The following PACRG variants were observed in gnomAD, a reference collection of about 807,000 sequenced individuals.
PACRG encodes parkin coregulated gene protein.
A neutral mutation model predicts 29.7 loss-of-function variants in PACRG; 29 were observed. The observed-to-expected ratio is 0.98, with a 90% confidence interval of 0.73 to 1.33. The LOEUF is 1.33. Among genes scored for constraint, PACRG ranks in the 40% most tolerant of loss-of-function variants. PACRG has a pLI of 0.00. For missense variants in PACRG, 279 were observed against 316.2 expected, an observed-to-expected ratio of 0.88 and a Z score of 0.89; for synonymous variants, 116 against 118.7, an observed-to-expected ratio of 0.98 and a Z score of 0.15.
chr6:162,996,522 A>T (rs1303110062), intron 2 of PACRG, among the ~76,000 whole-genome samples: 1 of 152,178 alleles, frequency 6.6e-6, no homozygotes, highest in Non-Finnish European at 1.5e-5. Flanking sequence ...AACTGAGAAA[A>T]ATGAAACATT....
chr6:163,263,439 G>A (rs549782068), intron 4 of PACRG, among the ~76,000 whole-genome samples: 7 of 152,148 alleles, frequency 4.6e-5, no homozygotes, highest in Non-Finnish European at 8.8e-5. Flanking sequence ...CACGCTGTGC[G>A]CCAAGGACCA....
intron 4 of PACRG, among the ~76,000 whole-genome samples, chr6:163,164,835 A>C (rs1388349134): frequency 2.6e-5 from 4 of 152,180 alleles, no homozygotes; most frequent in Admixed American, 1.3e-4. Context: ...AAGTACCTGA[A>C]CCATTCTGAG....
intron 4 of PACRG, among the ~76,000 whole-genome samples, chr6:163,255,310 G>A (rs150139677): frequency 6.6e-6 from 1 of 152,300 alleles, no homozygotes; most frequent in Non-Finnish European, 1.5e-5. Flanking sequence ...GGCCAGGCTT[G>A]GTGTCAAAGG....
At chr6:163,168,189 G>A (rs574135721) in intron 4 of PACRG, among the ~76,000 whole-genome samples, 1 of 152,278 alleles carries the variant, frequency 6.6e-6, no homozygotes, top group South Asian at 2.1e-4. Context: ...ATTTATTAAA[G>A]CATTTGGCCG....
At chr6:162,775,836 G>A (rs1488485643) in intron 1 of PACRG, among the ~76,000 whole-genome samples, 3 of 152,058 alleles carry the variant, frequency 2.0e-5, no homozygotes, top group Admixed American at 2.0e-4. Context: ...AAATCACCTT[G>A]TCCACCCATT....
intron 1 of PACRG, among the ~76,000 whole-genome samples, chr6:162,734,139 A>G (rs1300901448): frequency 1.3e-5 from 2 of 152,222 alleles, no homozygotes; most frequent in Non-Finnish European, 2.9e-5. Flanking sequence ...TCCAAAGAAA[A>G]TGCCAATGAT....
At chr6:162,947,031 G>T (rs1160071612) in intron 2 of PACRG, among the ~76,000 whole-genome samples, 1 of 151,568 alleles carries the variant, frequency 6.6e-6, no homozygotes, top group Non-Finnish European at 1.5e-5. Flanking sequence ...TACTAAATGG[G>T]CAAAAGCTGG....
chr6:162,875,171 ACATT>A (rs1041736289), intron 2 of PACRG, among the ~76,000 whole-genome samples: 4 of 150,928 alleles, frequency 2.7e-5, no homozygotes, highest in Non-Finnish European at 4.5e-5. Flanking sequence ...GCACACACAG[ACATT>A]CATACACATT....
chr6:163,299,983 C>A (rs1402044564), intron 4 of PACRG, among the ~76,000 whole-genome samples: 1 of 152,178 alleles, frequency 6.6e-6, no homozygotes, highest in Non-Finnish European at 1.5e-5. Flanking sequence ...ACGTAGGGGG[C>A]ACAGAGCTCC....
At chr6:163,035,288 A>T (rs1045904254) in intron 2 of PACRG, among the ~76,000 whole-genome samples, 1 of 152,102 alleles carries the variant, frequency 6.6e-6, no homozygotes, top group African/African-American at 2.4e-5. Context: ...TGTGGCAGGT[A>T]GATCACCTAA....
chr6:163,206,226 A>G (rs908076905), intron 4 of PACRG, among the ~76,000 whole-genome samples: 3 of 152,208 alleles, frequency 2.0e-5, no homozygotes, highest in Non-Finnish European at 4.4e-5. Flanking sequence ...TACCTGAAGT[A>G]ATATAAATCA....
chr6:162,877,285 G>A (rs1371218101), intron 2 of PACRG, among the ~76,000 whole-genome samples: 1 of 152,126 alleles, frequency 6.6e-6, no homozygotes, highest in African/African-American at 2.4e-5. Context: ...GTCCTTTGCA[G>A]GGACATGGAT....
intron 2 of PACRG, among the ~76,000 whole-genome samples, chr6:162,893,471 A>G (rs1467629347): frequency 6.6e-6 from 1 of 152,126 alleles, no homozygotes; most frequent in Non-Finnish European, 1.5e-5. Context: ...GTCAAAGTGC[A>G]CTTCTCAGTT....
At chr6:162,879,139 A>C (rs1793617351) in intron 2 of PACRG, among the ~76,000 whole-genome samples, 1 of 152,200 alleles carries the variant, frequency 6.6e-6, no homozygotes, top group South Asian at 2.1e-4. Flanking sequence ...TTCTCTATCA[A>C]ATCACAAGAA....
At chr6:163,051,364 G>A (rs1039772995) in intron 2 of PACRG, 21 of 152,020 alleles carry the variant, frequency 1.4e-4, no homozygotes, top group African/African-American at 4.8e-4. Flanking sequence ...TCTATATTAG[G>A]GGTTGCATTT....
At chr6:162,933,434 G>A (rs1258386766) in intron 2 of PACRG, among the ~76,000 whole-genome samples, 1 of 151,760 alleles carries the variant, frequency 6.6e-6, no homozygotes, top group Non-Finnish European at 1.5e-5. Context: ...CTAAAAGTGG[G>A]GTATTGAAGT....
intron 3 of PACRG, among the ~76,000 whole-genome samples, chr6:163,075,879 G>A (rs1044298319): frequency 6.6e-6 from 1 of 152,208 alleles, no homozygotes; most frequent in African/African-American, 2.4e-5. Context: ...CAACCTGTCT[G>A]TTGCAGGTTA....
intron 4 of PACRG, among the ~76,000 whole-genome samples, chr6:163,097,010 C>A (rs1181828923): frequency 2.6e-5 from 4 of 152,200 alleles, no homozygotes; most frequent in Non-Finnish European, 5.9e-5. Flanking sequence ...CTGCTCAGCT[C>A]TCCCTTCCCC....
At chr6:162,874,302 C>T (rs1375750498) in intron 2 of PACRG, among the ~76,000 whole-genome samples, 1 of 152,014 alleles carries the variant, frequency 6.6e-6, no homozygotes, top group Non-Finnish European at 1.5e-5. Context: ...TCTTTCCCTT[C>T]AAACTTTAGC....
Sources: allele counts gnomAD v4.1 joint callset (sites outside exome capture counted in the v4.1 genomes callset), GRCh38; gene constraint gnomAD v4.1.1; transcripts MANE v1.5; gene names NCBI Gene and HGNC (gene_info 2026-07-23, HGNC 2026-07-21).